PGM3: variants seen among roughly 807,000 people sequenced by gnomAD.
PGM3 encodes the protein phosphoglucomutase 3.
Under a neutral mutation model 66.2 loss-of-function variants are expected in PGM3, and 40 were observed. The ratio of observed to expected loss-of-function variants is 0.60; its 90% CI spans 0.47 to 0.79. The LOEUF (loss-of-function observed/expected upper bound fraction) is 0.79, where lower values mean the gene tolerates loss of function less well. PGM3 is among the 30% of genes least tolerant of loss of function. The pLI is 0.00. For missense variants in PGM3, 537 were observed against 643.4 expected, an observed-to-expected ratio of 0.83 and a Z score of 1.79; for synonymous variants, 191 against 224.2, an observed-to-expected ratio of 0.85 and a Z score of 1.32.
At chr6:83,182,717 CA>C (rs1264799173) in intron 5 of PGM3, 127 bp downstream of exon 5, 2 of 879,506 alleles carry the variant, frequency 2.3e-6, no homozygotes, top group Non-Finnish European at 3.5e-6. Context: ...TAGAGAAAAA[CA>C]AAAAAGGAGA....
At chr6:83,176,169 C>T in intron 8 of PGM3, 109 bp from the exon 9 acceptor site, 1 of 669,498 alleles carries the variant, frequency 1.5e-6, no homozygotes, top group Non-Finnish European at 2.7e-6. Flanking sequence ...GGGGCCGAGT[C>T]CAGTGAGGAA....
At chr6:83,180,406 G>A (rs1788091827) in intron 6 of PGM3, among the ~76,000 whole-genome samples, 1 of 152,140 alleles carries the variant, frequency 6.6e-6, no homozygotes, top group African/African-American at 2.4e-5. Flanking sequence ...AAGAAACACT[G>A]ATAATTAAGA....
chr6:83,161,804 A>G (rs926627327), downstream of PGM3, among the ~76,000 whole-genome samples: 2 of 152,184 alleles, frequency 1.3e-5, no homozygotes, highest in African/African-American at 2.4e-5. Context: ...CTTTAAGCCT[A>G]TAATTCTGCT....
intron 6 of PGM3, among the ~76,000 whole-genome samples, chr6:83,180,689 G>A (rs1202423996): frequency 6.6e-6 from 1 of 152,188 alleles, no homozygotes; most frequent in Admixed American, 6.5e-5. Context: ...CTAGAGCATA[G>A]AGAGTAAGAG....
At chr6:83,188,942 C>G in intron 2 of PGM3, 144 bp from the exon 3 acceptor site, 2 of 605,896 alleles carry the variant, frequency 3.3e-6, no homozygotes, top group East Asian at 2.7e-5. Flanking sequence ...AATACTGGAC[C>G]CTGGATTAGG....
In PGM3 at chr6:83,166,064, T is replaced by C; in HGVS notation, c.*3170A>G. ...CAGTTGTCGTATAAAATCCACCTTT[T>C]GGCACACATCACAATCCGATAGAGA... On this transcript the variant is annotated 3_prime_UTR_variant, in exon 13 of 13. Transcript: ENST00000513973. 3.2e-6 allele frequency: 1 copy of C among 310,438 alleles called. No individual in the cohort carries two copies. Among genetic ancestry groups the C allele is most frequent in the Non-Finnish European group, 6.0e-6 (1 of 167,546 alleles). The allele number at this position is 310,438 out of a possible 1,614,324, so 19.2% of individuals were successfully genotyped here. A position where few individuals can be genotyped will look rare whatever the true frequency, so the allele number is the denominator to read the frequency against.
chr6:83,151,494 A>T, the PGM3 span: 1 of 806,900 alleles, frequency 1.2e-6, no homozygotes, highest in South Asian at 2.1e-5. Context: ...AATGGAAATC[A>T]AGACCATTAA....
the PGM3 span, among the ~76,000 whole-genome samples, chr6:83,149,335 G>C: frequency 6.6e-6 from 1 of 152,178 alleles, no homozygotes; most frequent in East Asian, 1.9e-4. Flanking sequence ...CAAGTACTGG[G>C]ATGTCATAGT....
chr6:83,164,861 AAGG>A, downstream of PGM3: 1 of 628,648 alleles, frequency 1.6e-6, no homozygotes, highest in Non-Finnish European at 2.8e-6. Context: ...GGTGAAGTCA[AAGG>A]AGAAATCATT....
At chr6:83,161,065 AC>A (rs1784129022), downstream of PGM3, 1 of 152,144 alleles carries the variant, frequency 6.6e-6, no homozygotes, top group Non-Finnish European at 1.5e-5. Context: ...AGAAAAGAAT[AC>A]TAAACAGAAT....
Position 83,168,061 on chromosome 6 carries a change from A to G in PGM3, c.*1173T>C. 1 of 1,614,212 alleles carries G rather than the reference A, an allele frequency of 6.2e-7. No homozygotes were observed. Among genetic ancestry groups the G allele is most frequent in the East Asian group, 2.2e-5 (1 of 44,878 alleles). On this transcript the variant is annotated 3_prime_UTR_variant, in exon 13 of 13. Transcript: ENST00000513973. ...ATCCTCTACTCAAATGCCTTCCCTAATAAGGACATGAAACTGGAGAACCAC... is the reference window on the plus strand; with the variant it reads ...ATCCTCTACTCAAATGCCTTCCCTAGTAAGGACATGAAACTGGAGAACCAC...
chr6:83,186,093 A>T (rs1016505352), intron 4 of PGM3, among the ~76,000 whole-genome samples: 7 of 152,178 alleles, frequency 4.6e-5, no homozygotes, highest in African/African-American at 1.7e-4. Flanking sequence ...TCCCTGGGAA[A>T]GTGCTTGTGC....
Position 83,167,538 on chromosome 6 carries a change from GA to G in PGM3, c.*1695del, listed in dbSNP as rs898269534. The G allele has an allele frequency of 1.9e-6, 2 of 1,030,912 alleles. No homozygotes were observed. Among genetic ancestry groups the G allele is most frequent in the African/African-American group, 1.7e-5 (1 of 58,950 alleles). The allele number at this position is 1,030,912 out of a possible 1,614,324, so 63.9% of individuals were successfully genotyped here. A position where few individuals can be genotyped will look rare whatever the true frequency, so the allele number is the denominator to read the frequency against. ...CAGTAGTGAGGGTTCAGAAACCTGGGAGCTTTTTGAGTAAATACAAAGCACA... is the reference window on the plus strand; with the variant it reads ...CAGTAGTGAGGGTTCAGAAACCTGGGGCTTTTTGAGTAAATACAAAGCACA... On this transcript the variant is annotated 3_prime_UTR_variant, in exon 13 of 13. Transcript: ENST00000513973.
At chr6:83,190,348 G>A (rs185242150) in intron 2 of PGM3, among the ~76,000 whole-genome samples, 10 of 152,226 alleles carry the variant, frequency 6.6e-5, no homozygotes, top group Admixed American at 1.3e-4. Context: ...ACTATCAGGC[G>A]TCATCAATAT....
chr6:83,151,861 T>G, the PGM3 span: 7 of 1,611,374 alleles, frequency 4.3e-6, no homozygotes, highest in Non-Finnish European at 5.9e-6. Context: ...CCATACATAG[T>G]TGTTCTTCCT....
At chr6:83,148,716 C>T in the PGM3 span, 1 of 1,296,316 alleles carries the variant, frequency 7.7e-7, no homozygotes, top group Non-Finnish European at 1.1e-6. Flanking sequence ...AGTAGAAAAC[C>T]ATAGTTTATT....
At chr6:83,163,258 T>C (rs1784660841), downstream of PGM3, among the ~76,000 whole-genome samples, 1 of 152,186 alleles carries the variant, frequency 6.6e-6, no homozygotes, top group African/African-American at 2.4e-5. Context: ...ACTGTAGTCC[T>C]GAACACTCTT....
chr6:83,171,828 T>G (rs1787211506), intron 11 of PGM3, 109 bp downstream of exon 11: 2 of 873,154 alleles, frequency 2.3e-6, no homozygotes, highest in Admixed American at 2.2e-5. Context: ...CATATGTGTA[T>G]GTACAGAATG....
rs1024172707 is a variant in PGM3, at chr6:83,167,518, G to C, written c.*1716C>G. The C allele has an allele frequency of 3.9e-6, 4 of 1,017,322 alleles. No homozygotes were observed. The African/African-American group carries it at 6.9e-5, about 17-fold the overall frequency. 63.0% of individuals were successfully genotyped at this position (1,017,322 alleles called of 1,614,324 possible). A position where few individuals can be genotyped will look rare whatever the true frequency, so the allele number is the denominator to read the frequency against. On this transcript the variant is annotated 3_prime_UTR_variant, in exon 13 of 13. Transcript: ENST00000513973. ...TGTGACCTAGTCCTTGGTTACAGTA[G>C]TGAGGGTTCAGAAACCTGGGAGCTT...
Sources: gnomAD v4.1 joint callset for allele counts (sites outside exome capture counted in the v4.1 genomes callset) on GRCh38, gnomAD v4.1.1 for gene constraint, MANE v1.5 for transcripts, NCBI Gene and HGNC (gene_info 2026-07-23, HGNC 2026-07-21) for gene names.